RRM2B: variants seen among roughly 807,000 people sequenced by gnomAD.
RRM2B encodes ribonucleotide reductase regulatory TP53 inducible subunit M2B.
Under a neutral mutation model 45.9 loss-of-function variants are expected in RRM2B, and 20 were observed. The ratio of observed to expected loss-of-function variants is 0.44; its 90% CI spans 0.31 to 0.63. The LOEUF (loss-of-function observed/expected upper bound fraction) is 0.63. RRM2B is among the 30% of genes least tolerant of loss of function. The probability of loss-of-function intolerance (pLI) is 0.09; values close to 1 mark genes in which losing one functional copy is unlikely to be tolerated. For missense variants in RRM2B, 320 were observed against 414.7 expected, an observed-to-expected ratio of 0.77 and a Z score of 1.98; for synonymous variants, 124 against 132.3, an observed-to-expected ratio of 0.94 and a Z score of 0.43.
Position 102,224,000 on chromosome 8 carries a change from T to C in RRM2B, c.550+46A>G, listed in dbSNP as rs898598297. 6 of 1,326,684 alleles carry C rather than the reference T, an allele frequency of 4.5e-6. No individual in the cohort carries two copies. In the African/African-American group the frequency reaches 7.2e-5, roughly 16 times the overall value. The allele number at this position is 1,326,684 out of a possible 1,614,324, so 82.2% of individuals were successfully genotyped here. A position where few individuals can be genotyped will look rare whatever the true frequency, so the allele number is the denominator to read the frequency against. On this transcript the variant is annotated intron_variant, in intron 5 of 8. Coordinates refer to ENST00000251810, the MANE Select transcript of RRM2B (RefSeq NM_015713.5). ...AGTCACACCACATAAAATACTGTCA[T>C]ATCACCTTAGGCAAATCTGATCATA... is the stretch of plus-strand genomic sequence containing the variant.
chr8:102,238,737 G>A (rs1461587860), intron 1 of RRM2B, 90 bp downstream of exon 1: 1 of 1,603,852 alleles, frequency 6.2e-7, no homozygotes, highest in Non-Finnish European at 8.5e-7. Context: ...TGACCGCGGC[G>A]AATAACATTT....
intron 8 of RRM2B, 73 bp downstream of exon 8, chr8:102,212,703 G>A: frequency 1.3e-6 from 1 of 797,394 alleles, no homozygotes; most frequent in Non-Finnish European, 2.2e-6. Flanking sequence ...AATGCTTTCA[G>A]TAAATTATAC....
chr8:102,231,701 T>G (rs1221111839), intron 2 of RRM2B, among the ~76,000 whole-genome samples: 4 of 151,724 alleles, frequency 2.6e-5, no homozygotes, highest in African/African-American at 9.7e-5. Flanking sequence ...AAACCCCATC[T>G]CTACTAAAAA....
Position 102,214,161 on chromosome 8 carries a change from A to G in RRM2B, c.685-3T>C, listed in dbSNP as rs1189338778. On this transcript the variant is annotated splice_region_variant and splice_polypyrimidine_tract_variant and intron_variant, in intron 6 of 8. Transcript: ENST00000251810. ...CAAGCAAAGTCACAGTGAAGTCCCT[A>G]AAAGGGAAGAAAAATGTCATTGTCA... is the stretch of plus-strand genomic sequence containing the variant. 1 of 1,586,314 alleles carries G rather than the reference A, an allele frequency of 6.3e-7. No individual in the cohort carries two copies. Among genetic ancestry groups the G allele is most frequent in the Non-Finnish European group, 8.7e-7 (1 of 1,155,054 alleles).
chr8:102,233,774 C>A lies in RRM2B; in HGVS notation c.49-1470G>T, dbSNP rs151108600. 2.6e-5 allele frequency among the ~76,000 whole-genome samples: 4 copies of A among 152,348 alleles called. No individual in the cohort carries two copies. The East Asian group carries it at 7.7e-4, about 29-fold the overall frequency. On this transcript the variant is annotated intron_variant, in intron 1 of 8. Coordinates refer to ENST00000251810, the MANE Select transcript of RRM2B (RefSeq NM_015713.5). ...CTTGTAGAATCCCTTGTGCTTAGCA[C>A]AGTACCTGGCACTTAGTTGGTACTC... is the stretch of plus-strand genomic sequence containing the variant.
intron 6 of RRM2B, among the ~76,000 whole-genome samples, chr8:102,216,467 G>A (rs1357610658): frequency 1.3e-5 from 2 of 152,026 alleles, no homozygotes; most frequent in Non-Finnish European, 2.9e-5. Context: ...ATAAATATAA[G>A]CAAATTTGTA....
intron 8 of RRM2B, 102 bp from the exon 9 acceptor site, chr8:102,208,387 A>C (rs1369574295): frequency 1.2e-6 from 1 of 852,652 alleles, no homozygotes; most frequent in African/African-American, 1.7e-5. Flanking sequence ...CTCAAAACCT[A>C]TCTAGTCAGC....
At chr8:102,219,434 G>A (rs566719876) in intron 5 of RRM2B, among the ~76,000 whole-genome samples, 4 of 152,116 alleles carry the variant, frequency 2.6e-5, no homozygotes, top group East Asian at 1.9e-4. Flanking sequence ...AACCACTGGC[G>A]TGTATCTGCA....
At chr8:102,228,290 CAGG>C (rs942239453) in intron 2 of RRM2B, among the ~76,000 whole-genome samples, 7 of 152,176 alleles carry the variant, frequency 4.6e-5, no homozygotes, top group Admixed American at 6.5e-5. Context: ...AGACAGACTC[CAGG>C]AGAAGATTAT....
Position 102,219,049 on chromosome 8 carries a change from G to A in RRM2B, c.551-102C>T, listed in dbSNP as rs1810783300. 3 of 1,270,682 alleles carry A rather than the reference G, an allele frequency of 2.4e-6. No homozygotes were observed. The East Asian group carries it at 7.2e-5, about 31-fold the overall frequency. 78.7% of individuals were successfully genotyped at this position (1,270,682 alleles called of 1,614,324 possible). A position where few individuals can be genotyped will look rare whatever the true frequency, so the allele number is the denominator to read the frequency against. The stretch of plus-strand genomic sequence containing the variant: ...AATAAATACCACAACTGTTTGCAAA[G>A]AAACAAAATACACAAGTTAGTGCCA... On this transcript the variant is annotated intron_variant, in intron 5 of 8. Transcript: ENST00000251810.
intron 8 of RRM2B, among the ~76,000 whole-genome samples, chr8:102,211,786 T>C (rs1810640313): frequency 6.6e-6 from 1 of 152,200 alleles, no homozygotes; most frequent in Non-Finnish European, 1.5e-5. Context: ...AGAGAGGATC[T>C]TGCAACTAAA....
chr8:102,208,420 A>G, intron 8 of RRM2B, 135 bp from the exon 9 acceptor site: 1 of 703,848 alleles, frequency 1.4e-6, no homozygotes, highest in South Asian at 1.7e-5. Context: ...TCATTCCCCT[A>G]AGACCCTGGA....
At chr8:102,226,098 A>AG in intron 2 of RRM2B, 64 bp from the exon 3 acceptor site, 1 of 951,494 alleles carries the variant, frequency 1.1e-6, no homozygotes, top group Non-Finnish European at 1.7e-6. Flanking sequence ...GTGTTTGGGA[A>AG]ACTAACTTCT....
Position 102,238,834 on chromosome 8 carries a change from T to G in RRM2B, c.41A>C (p.Gln14Pro). Residue 14 changes from glutamine to proline, a missense_variant, in exon 1 of 9, where the codon CAG (glutamine) becomes CCG (proline). By Grantham distance (76) the Gln-to-Pro change is moderately conservative (BLOSUM62 -1). Coordinates refer to ENST00000251810, the MANE Select transcript of RRM2B (RefSeq NM_015713.5). Reference sequence around the variant, plus strand: ...CGCAACAGCAACATTTACCTCATCCTGATCCAGCCCGGCCGCTTCCGGCCT... The same window carrying G: ...CGCAACAGCAACATTTACCTCATCCGGATCCAGCCCGGCCGCTTCCGGCCT... ...PERPEAAGLD[Q>P]DERSSSDTNE... is the part of the protein sequence containing the mutation. 1 of 1,613,700 alleles carries G rather than the reference T, an allele frequency of 6.2e-7. No individual in the cohort carries two copies.
chr8:102,230,795 T>C (rs149550044), intron 2 of RRM2B, among the ~76,000 whole-genome samples: 189 of 152,364 alleles, frequency 1.2e-3, no homozygotes, highest in Non-Finnish European at 2.1e-3. Flanking sequence ...TACATTTATT[T>C]AGTGCCTACT....
chr8:102,210,566 G>C (rs186189548), intron 8 of RRM2B, among the ~76,000 whole-genome samples: 1 of 151,920 alleles, frequency 6.6e-6, no homozygotes, highest in Admixed American at 6.6e-5. Context: ...GGGTTCAAGC[G>C]ATTCTCTCGC....
At chr8:102,223,778 T>C (rs1482299420) in intron 5 of RRM2B, among the ~76,000 whole-genome samples, 4 of 152,154 alleles carry the variant, frequency 2.6e-5, no homozygotes, top group African/African-American at 7.2e-5. Context: ...ACTCTTGTTA[T>C]TGCTATGTGA....
intron 5 of RRM2B, among the ~76,000 whole-genome samples, chr8:102,220,699 T>C (rs1328798806): frequency 6.6e-6 from 1 of 152,166 alleles, no homozygotes; most frequent in African/African-American, 2.4e-5. Flanking sequence ...GCCTCACAAG[T>C]AGCTGGGATT....
intron 6 of RRM2B, among the ~76,000 whole-genome samples, chr8:102,214,612 G>A (rs1029975358): frequency 2.7e-5 from 4 of 150,850 alleles, no homozygotes; most frequent in African/African-American, 9.7e-5. Context: ...AATGAATTCA[G>A]TTCTAATGAA....
Sources: allele counts gnomAD v4.1 joint callset (sites outside exome capture counted in the v4.1 genomes callset), GRCh38; gene constraint gnomAD v4.1.1; transcripts MANE v1.5; gene names NCBI Gene and HGNC (gene_info 2026-07-23, HGNC 2026-07-21).